KDM2A: variants seen among roughly 807,000 people sequenced by gnomAD.
KDM2A encodes the protein lysine-specific demethylase 2A.
KDM2A carries 3 observed loss-of-function variants against 137.3 expected under a neutral mutation model. The ratio of observed to expected loss-of-function variants is 0.02; its 90% CI spans 0.01 to 0.06. KDM2A has a LOEUF of 0.06. KDM2A is among the 10% of genes least tolerant of loss of function. The pLI, the probability that KDM2A is intolerant of heterozygous loss-of-function variation, is 1.00. For missense variants in KDM2A, 738 were observed against 1,510.6 expected (o/e 0.49, Z 8.48); for synonymous variants, 512 against 541.5 (o/e 0.95, Z 0.76).
chr11:67,194,008 C>T (rs760458509), intron 5 of KDM2A, among the ~76,000 whole-genome samples: 22 of 152,204 alleles, frequency 1.4e-4, no homozygotes, highest in South Asian at 6.2e-4. Flanking sequence ...TGCACCTGTC[C>T]ACCATTTTAG....
At chr11:67,219,541 C>A in intron 10 of KDM2A, 138 bp downstream of exon 10, 1 of 427,680 alleles carries the variant, frequency 2.3e-6, no homozygotes, top group Non-Finnish European at 4.1e-6. Context: ...TTTGGGAACA[C>A]ACAAAATTTT....
At chr11:67,216,133 C>G (rs958640790) in intron 8 of KDM2A, among the ~76,000 whole-genome samples, 184 bp downstream of exon 8, 1 of 152,184 alleles carries the variant, frequency 6.6e-6, no homozygotes, top group Non-Finnish European at 1.5e-5. Flanking sequence ...TAGTATTCAT[C>G]TAGTTCACTG....
chr11:67,211,645 A>G (rs1857991011), intron 6 of KDM2A, among the ~76,000 whole-genome samples: 1 of 145,060 alleles, frequency 6.9e-6, no homozygotes, highest in Non-Finnish European at 1.5e-5. Context: ...AAAAAAGAAT[A>G]TATATATAAT....
At chr11:67,127,707 T>A (rs115736197) in intron 2 of KDM2A, among the ~76,000 whole-genome samples, 18,838 of 151,222 alleles carry the variant, frequency 0.12, 3,496 homozygotes, top group African/African-American at 0.41. Flanking sequence ...TTAATTAATT[T>A]ATTTATTTAT....
rs1307479884 is a variant in KDM2A, at chr11:67,180,150, T to C, written c.114T>C (p.Phe38=). 6 of 1,613,796 alleles carry C rather than the reference T, an allele frequency of 3.7e-6. No individual in the cohort carries two copies. The highest frequency in any genetic ancestry group is 3.4e-6 in the Non-Finnish European group (4 of 1,179,852). The change falls in exon 3 of 21, where the codon TTT becomes TTC. Residue 38 remains phenylalanine, a synonymous_variant. Coordinates refer to ENST00000529006, the MANE Select transcript of KDM2A (RefSeq NM_012308.3). ...SDDEIEGKRT[F]DLEEKLHTNK... ...ATGAAATTGAAGGAAAAAGAACTTT[T>C]GACTTGGAAGAGAAACTGCACACCA...
intron 6 of KDM2A, among the ~76,000 whole-genome samples, chr11:67,211,927 T>C (rs894783079): frequency 6.6e-6 from 1 of 152,140 alleles, no homozygotes; most frequent in African/African-American, 2.4e-5. Context: ...GAAAATGATA[T>C]CATTCTTGTT....
chr11:67,247,079 T>TTA (rs1859268308), intron 15 of KDM2A, among the ~76,000 whole-genome samples: 1 of 79,420 alleles, frequency 1.3e-5, no homozygotes, highest in Admixed American at 1.3e-4. Context: ...ATATTTTTTT[T>TTA]TTTTTTTTTT....
At chr11:67,170,386 GGTT>G (rs747989759) in intron 2 of KDM2A, among the ~76,000 whole-genome samples, 1 of 144,864 alleles carries the variant, frequency 6.9e-6, no homozygotes, top group South Asian at 2.2e-4. Context: ...CCAAGCATGG[GGTT>G]TTTTTTTTTT....
At chr11:67,175,576 G>A (rs1856958253) in intron 2 of KDM2A, among the ~76,000 whole-genome samples, 1 of 152,182 alleles carries the variant, frequency 6.6e-6, no homozygotes, top group African/African-American at 2.4e-5. Flanking sequence ...AGCCTTCCTT[G>A]TATCCTTACA....
intron 2 of KDM2A, among the ~76,000 whole-genome samples, chr11:67,122,748 T>C (rs1346822331): frequency 6.6e-6 from 1 of 151,890 alleles, no homozygotes; most frequent in Non-Finnish European, 1.5e-5. Flanking sequence ...CAATCTCTGC[T>C]CACTGCACGC....
chr11:67,153,680 C>T (rs985312815), intron 2 of KDM2A, among the ~76,000 whole-genome samples: 1 of 151,792 alleles, frequency 6.6e-6, no homozygotes, highest in Non-Finnish European at 1.5e-5. Context: ...ATAAACCAGG[C>T]GTGGTGGTGA....
intron 2 of KDM2A, among the ~76,000 whole-genome samples, chr11:67,159,687 C>T (rs1856593208): frequency 6.6e-6 from 1 of 152,148 alleles, no homozygotes. Flanking sequence ...AAATATTTGA[C>T]TCAATATTTG....
At chr11:67,192,021 C>T (rs899920914) in intron 5 of KDM2A, among the ~76,000 whole-genome samples, 3 of 152,246 alleles carry the variant, frequency 2.0e-5, no homozygotes, top group African/African-American at 7.2e-5. Context: ...CATAAAATTA[C>T]GGAGAATATC....
At chr11:67,140,572 T>G (rs1403563384) in intron 2 of KDM2A, among the ~76,000 whole-genome samples, 1 of 151,970 alleles carries the variant, frequency 6.6e-6, no homozygotes, top group Non-Finnish European at 1.5e-5. Context: ...GCCAACATGG[T>G]GAAACCCTGC....
chr11:67,240,024 G>A (rs1335022575), intron 12 of KDM2A: 25 of 1,288,974 alleles, frequency 1.9e-5, no homozygotes, highest in East Asian at 5.9e-5. Flanking sequence ...ACTCTCGCTC[G>A]GCTCCCCCTC....
intron 2 of KDM2A, among the ~76,000 whole-genome samples, chr11:67,145,550 T>G (rs548442891): frequency 5.7e-5 from 8 of 141,454 alleles, no homozygotes; most frequent in African/African-American, 2.1e-4. Context: ...TAGCACCCCA[T>G]TTTTTTTTTC....
chr11:67,237,598 A>C (rs1257935006), intron 12 of KDM2A, among the ~76,000 whole-genome samples: 1 of 151,544 alleles, frequency 6.6e-6, no homozygotes, highest in African/African-American at 2.4e-5. Context: ...TACCCAACCA[A>C]CTCAGCTTTT....
At chr11:67,137,166 CAA>C (rs1208440562) in intron 2 of KDM2A, among the ~76,000 whole-genome samples, 1 of 152,078 alleles carries the variant, frequency 6.6e-6, no homozygotes, top group Non-Finnish European at 1.5e-5. Context: ...ACCAACTAAA[CAA>C]AACACCAAAA....
chr11:67,205,566 T>A (rs563106766), intron 5 of KDM2A, among the ~76,000 whole-genome samples: 1 of 152,288 alleles, frequency 6.6e-6, no homozygotes, highest in South Asian at 2.1e-4. Flanking sequence ...TAGCCGGGAT[T>A]ACGGGCACGC....
Sources: allele counts gnomAD v4.1 joint callset (sites outside exome capture counted in the v4.1 genomes callset), GRCh38; gene constraint gnomAD v4.1.1; transcripts MANE v1.5; gene names NCBI Gene and HGNC (gene_info 2026-07-23, HGNC 2026-07-21).